SLC2A13: variants seen among roughly 807,000 people sequenced by gnomAD.
SLC2A13 encodes proton myo-inositol cotransporter.
SLC2A13 carries 32 observed loss-of-function variants against 64.4 expected under a neutral mutation model. The ratio of observed to expected loss-of-function variants is 0.50; its 90% CI spans 0.37 to 0.67. The LOEUF (loss-of-function observed/expected upper bound fraction) is 0.67. Ranked by LOEUF, SLC2A13 falls within the 30% of genes least tolerant of loss-of-function variation. SLC2A13 has a pLI of 0.00. For synonymous variants in SLC2A13, 338 were observed against 327.1 expected, an observed-to-expected ratio of 1.03 and a Z score of -0.36; for missense variants, 743 against 829.2, an observed-to-expected ratio of 0.90 and a Z score of 1.28.
At chr12:40,004,979 T>G (rs1947390390) in intron 3 of SLC2A13, among the ~76,000 whole-genome samples, 1 of 152,182 alleles carries the variant, frequency 6.6e-6, no homozygotes, top group Non-Finnish European at 1.5e-5. Context: ...GAGGAGGGGT[T>G]GGTCTTGCTG....
intron 3 of SLC2A13, among the ~76,000 whole-genome samples, chr12:39,977,762 A>G (rs1310057190): frequency 2.0e-5 from 3 of 152,236 alleles, no homozygotes; most frequent in Non-Finnish European, 2.9e-5. Context: ...CATTATTGCT[A>G]AAATGGCTTA....
At chr12:39,846,882 T>C (rs1943330843) in intron 6 of SLC2A13, among the ~76,000 whole-genome samples, 1 of 152,168 alleles carries the variant, frequency 6.6e-6, no homozygotes, top group African/African-American at 2.4e-5. Context: ...CAATGTTAAC[T>C]ATATAATAAA....
intron 3 of SLC2A13, among the ~76,000 whole-genome samples, chr12:39,995,840 G>A: frequency 6.6e-6 from 1 of 152,144 alleles, no homozygotes; most frequent in East Asian, 1.9e-4. Flanking sequence ...CCCTGCACAA[G>A]CTGCCGCTCT....
chr12:39,916,345 C>T (rs1422902691), intron 4 of SLC2A13, among the ~76,000 whole-genome samples: 1 of 151,874 alleles, frequency 6.6e-6, no homozygotes, highest in Non-Finnish European at 1.5e-5. Flanking sequence ...AGTATTGCTT[C>T]CCTTTAAAAA....
chr12:39,848,835 G>T (rs1943390708), intron 6 of SLC2A13, among the ~76,000 whole-genome samples: 1 of 152,144 alleles, frequency 6.6e-6, no homozygotes, highest in African/African-American at 2.4e-5. Flanking sequence ...GGAATATTAT[G>T]CATCCATAAA....
chr12:39,980,533 G>A (rs1408899691), intron 3 of SLC2A13, among the ~76,000 whole-genome samples: 8 of 151,726 alleles, frequency 5.3e-5, no homozygotes, highest in Non-Finnish European at 8.8e-5. Flanking sequence ...CCTAGTCTCT[G>A]ATAAAGCAGA....
chr12:39,988,395 T>G (rs1591983188), intron 3 of SLC2A13, among the ~76,000 whole-genome samples: 1 of 151,884 alleles, frequency 6.6e-6, no homozygotes, highest in East Asian at 1.9e-4. Flanking sequence ...AATAAAGATC[T>G]TTTCATATAT....
At chr12:39,937,426 G>T (rs1224680849) in intron 4 of SLC2A13, among the ~76,000 whole-genome samples, 1 of 152,154 alleles carries the variant, frequency 6.6e-6, no homozygotes, top group African/African-American at 2.4e-5. Context: ...AGCCAGACTG[G>T]TGTTACCTTC....
intron 4 of SLC2A13, among the ~76,000 whole-genome samples, chr12:39,877,936 G>C (rs1012656298): frequency 6.6e-6 from 1 of 152,150 alleles, no homozygotes; most frequent in Non-Finnish European, 1.5e-5. Flanking sequence ...CTCAAGGTTT[G>C]GTGCTAAATC....
intron 6 of SLC2A13, among the ~76,000 whole-genome samples, chr12:39,848,843 A>G (rs992524787): frequency 2.6e-5 from 4 of 152,084 alleles, no homozygotes; most frequent in Non-Finnish European, 5.9e-5. Context: ...ATGCATCCAT[A>G]AAAAAGGACG....
intron 3 of SLC2A13, among the ~76,000 whole-genome samples, chr12:39,963,858 C>T (rs1218338347): frequency 6.6e-6 from 1 of 152,100 alleles, no homozygotes; most frequent in Non-Finnish European, 1.5e-5. Flanking sequence ...GAAAAGCTAA[C>T]CATGTATGAT....
At chr12:39,984,322 A>G (rs1021618080) in intron 3 of SLC2A13, among the ~76,000 whole-genome samples, 1 of 152,178 alleles carries the variant, frequency 6.6e-6, no homozygotes, top group Non-Finnish European at 1.5e-5. Context: ...TAAAACTTAA[A>G]GTATAATAAA....
Position 39,843,820 on chromosome 12 carries a change from G to T in SLC2A13, c.1320-13592C>A, listed in dbSNP as rs116131081. Among the ~76,000 whole-genome samples, 941 of 152,032 alleles carry T rather than the reference G, an allele frequency of 6.2e-3. 12 individuals are homozygous for T. The highest frequency in any genetic ancestry group is 0.021 in the African/African-American group (890 of 41,512). On this transcript the variant is annotated intron_variant, in intron 6 of 9. Coordinates refer to ENST00000280871, the MANE Select transcript of SLC2A13 (RefSeq NM_052885.4). ...ATTTTGTTATTGTTTTTTAATATTA[G>T]TAATGCCTATCCTATCCTGGCTGCT...
intron 4 of SLC2A13, among the ~76,000 whole-genome samples, chr12:39,875,465 C>G (rs1452305617): frequency 1.3e-5 from 2 of 152,194 alleles, no homozygotes; most frequent in African/African-American, 4.8e-5. Context: ...CAGTCTGCAC[C>G]TTAATTTCCT....
At chr12:39,977,832 G>A (rs1946791942) in intron 3 of SLC2A13, among the ~76,000 whole-genome samples, 2 of 152,230 alleles carry the variant, frequency 1.3e-5, no homozygotes, top group African/African-American at 4.8e-5. Context: ...TTAATGAGTT[G>A]TGCCAAGTTG....
intron 3 of SLC2A13, among the ~76,000 whole-genome samples, chr12:40,014,026 A>G (rs1947576997): frequency 6.6e-6 from 1 of 152,214 alleles, no homozygotes. Flanking sequence ...TATAGCATCA[A>G]CTTCTTGCTT....
chr12:39,860,088 A>G (rs1197974100), intron 6 of SLC2A13, among the ~76,000 whole-genome samples: 1 of 152,222 alleles, frequency 6.6e-6, no homozygotes, highest in Admixed American at 6.5e-5. Context: ...TATTAACAAT[A>G]ACTCCTAAAG....
rs1032819080 is a variant in SLC2A13 at position 40,099,901 on chromosome 12, A to G, written c.556+5352T>C. On this transcript the variant is annotated intron_variant, in intron 1 of 9. Coordinates refer to ENST00000280871, the MANE Select transcript of SLC2A13 (RefSeq NM_052885.4). The stretch of plus-strand genomic sequence containing the variant: ...AAAGAAAGAAAGTGGGGAGTAGTGG[A>G]AAAAAAAAAAATTTGAGCACCTCCC... 2.8e-4 allele frequency among the ~76,000 whole-genome samples: 34 copies of G among 119,934 alleles called. 1 individual carries two copies. Among genetic ancestry groups the G allele is most frequent in the South Asian group, 4.9e-4 (2 of 4,102 alleles). The allele number at this position is 119,934 out of a possible 152,430, so 78.7% of individuals were successfully genotyped here. A position where few individuals can be genotyped will look rare whatever the true frequency, so the allele number is the denominator to read the frequency against.
intron 7 of SLC2A13, among the ~76,000 whole-genome samples, chr12:39,772,851 A>G (rs941170021): frequency 1.6e-5 from 2 of 126,044 alleles, no homozygotes; most frequent in African/African-American, 5.8e-5. Context: ...TACATGTGCA[A>G]AAAAAAGGCC....
Sources: allele counts gnomAD v4.1 joint callset (sites outside exome capture counted in the v4.1 genomes callset), GRCh38; gene constraint gnomAD v4.1.1; transcripts MANE v1.5; gene names NCBI Gene and HGNC (gene_info 2026-07-23, HGNC 2026-07-21).